Variants in PALM2AKAP2 observed in about 807,000 individuals in gnomAD.
PALM2AKAP2 encodes the protein PALM2 and AKAP2 fusion, also known as PALM2-AKAP2 fusion protein.
Under a neutral mutation model 71.5 loss-of-function variants are expected in PALM2AKAP2, and 37 were observed. The ratio of observed to expected loss-of-function variants is 0.52; its 90% CI spans 0.40 to 0.68. The LOEUF is 0.68. Among genes scored for constraint, PALM2AKAP2 ranks in the 30% least tolerant of loss-of-function variants. The pLI is 0.00. For synonymous variants in PALM2AKAP2, 468 were observed against 478.8 expected, an observed-to-expected ratio of 0.98 and a Z score of 0.29; for missense variants, 1,224 against 1,191.8, an observed-to-expected ratio of 1.03 and a Z score of -0.40.
At chr9:110,077,254 A>G (rs1588093736) in intron 1 of PALM2AKAP2, among the ~76,000 whole-genome samples, 1 of 152,274 alleles carries the variant, frequency 6.6e-6, no homozygotes, top group East Asian at 1.9e-4. Flanking sequence ...ATAGGGCGAT[A>G]CCCTATTAGA....
At chr9:109,668,854 A>G (rs1445141720) in intron 1 of PALM2AKAP2, among the ~76,000 whole-genome samples, 1 of 152,102 alleles carries the variant, frequency 6.6e-6, no homozygotes, top group Non-Finnish European at 1.5e-5. Context: ...GTGTCTTAAG[A>G]CCTGTCCCTA....
chr9:109,877,202 A>C (rs971865292), intron 2 of PALM2AKAP2, among the ~76,000 whole-genome samples: 2 of 152,090 alleles, frequency 1.3e-5, no homozygotes, highest in Non-Finnish European at 2.9e-5. Context: ...TGTGGTTTGG[A>C]CATCTTTAGC....
chr9:109,765,713 C>G (rs1012416327), intron 1 of PALM2AKAP2, among the ~76,000 whole-genome samples: 3 of 152,166 alleles, frequency 2.0e-5, no homozygotes, highest in Admixed American at 6.5e-5. Context: ...GAATTGTGCA[C>G]AGATCACTAG....
chr9:110,076,612 G>C (rs1019618095), intron 1 of PALM2AKAP2, among the ~76,000 whole-genome samples: 1 of 150,798 alleles, frequency 6.6e-6, no homozygotes. Flanking sequence ...AAACACAGGA[G>C]TATAAAATAA....
At chr9:110,006,369 TC>T (rs1159778030) in intron 6 of PALM2AKAP2, among the ~76,000 whole-genome samples, 1 of 148,516 alleles carries the variant, frequency 6.7e-6, no homozygotes, top group African/African-American at 2.5e-5. Context: ...TTTCTTTCTT[TC>T]TTCTCTCTTT....
chr9:109,841,443 C>A (rs1828671773), intron 1 of PALM2AKAP2, among the ~76,000 whole-genome samples: 2 of 133,562 alleles, frequency 1.5e-5, no homozygotes, highest in Admixed American at 8.2e-5. Context: ...TGCAGCACAC[C>A]AACATGGCAC....
At chr9:110,140,461 C>T (rs1388538922) in intron 2 of PALM2AKAP2, among the ~76,000 whole-genome samples, 2 of 152,124 alleles carry the variant, frequency 1.3e-5, no homozygotes, top group Admixed American at 1.3e-4. Context: ...GCTAGCTGTG[C>T]TCATTGTTAT....
intron 1 of PALM2AKAP2, among the ~76,000 whole-genome samples, chr9:109,723,006 G>A (rs1002963207): frequency 2.0e-5 from 3 of 152,020 alleles, no homozygotes; most frequent in African/African-American, 7.3e-5. Flanking sequence ...TACCCAACTC[G>A]CGTTTTCTGG....
At chr9:109,649,544 A>C (rs898072676) in intron 1 of PALM2AKAP2, among the ~76,000 whole-genome samples, 1 of 152,166 alleles carries the variant, frequency 6.6e-6, no homozygotes, top group African/African-American at 2.4e-5. Context: ...ATGTATGGAG[A>C]GTAGTTTATC....
intron 3 of PALM2AKAP2, among the ~76,000 whole-genome samples, chr9:110,161,398 A>AT (rs1305999669): frequency 2.6e-5 from 4 of 152,072 alleles, no homozygotes; most frequent in Admixed American, 6.6e-5. Flanking sequence ...TAGTCAGGCC[A>AT]TTTTTTTCTG....
intron 4 of PALM2AKAP2, among the ~76,000 whole-genome samples, chr9:109,924,472 C>T (rs748102630): frequency 2.0e-5 from 3 of 151,996 alleles, no homozygotes; most frequent in Non-Finnish European, 2.9e-5. Context: ...CGGTGGCAGG[C>T]GCCTGTAATC....
rs544913531 is a variant in PALM2AKAP2 at position 109,871,076 on chromosome 9, A to C, written c.126+3505A>C. 2.0e-5 allele frequency among the ~76,000 whole-genome samples: 3 copies of C among 152,326 alleles called. No individual in the cohort carries two copies. The East Asian group carries it at 5.8e-4, about 29-fold the overall frequency. ...AGATAGCCTGTGGACACTTATTCTC[A>C]TGCAATGAGATGAATTATTTAGACA... is the stretch of plus-strand genomic sequence containing the variant. On this transcript the variant is annotated intron_variant, in intron 2 of 9. Coordinates refer to the PALM2AKAP2 transcript ENST00000302798.
intron 7 of PALM2AKAP2, among the ~76,000 whole-genome samples, chr9:110,033,888 G>A (rs1364566318): frequency 6.6e-6 from 1 of 152,146 alleles, no homozygotes; most frequent in Non-Finnish European, 1.5e-5. Flanking sequence ...GTATTCTGTG[G>A]CCTTTATAAG....
intron 1 of PALM2AKAP2, among the ~76,000 whole-genome samples, chr9:109,850,405 G>T (rs1828977950): frequency 1.3e-5 from 2 of 152,042 alleles, no homozygotes; most frequent in South Asian, 4.2e-4. Flanking sequence ...ACCTGTCTTG[G>T]TGGTGTTTTC....
chr9:110,099,046 A>T (rs1834928896), intron 1 of PALM2AKAP2, among the ~76,000 whole-genome samples: 1 of 152,236 alleles, frequency 6.6e-6, no homozygotes, highest in Non-Finnish European at 1.5e-5. Flanking sequence ...TTATTGCAAG[A>T]CAGGGACAGT....
chr9:110,136,950 C>A, exon 2 of PALM2AKAP2: 1 of 1,614,126 alleles, frequency 6.2e-7, no homozygotes, highest in Non-Finnish European at 8.5e-7. Context: ...CCTGGCATTG[C>A]AGCAAAATGG....
chr9:109,920,797 A>G (rs991224551), intron 3 of PALM2AKAP2, among the ~76,000 whole-genome samples: 13 of 151,174 alleles, frequency 8.6e-5, no homozygotes, highest in Admixed American at 7.2e-4. Flanking sequence ...TCACACCTCA[A>G]ATAAATAAAT....
At chr9:109,970,558 C>G (rs978373230) in intron 6 of PALM2AKAP2, among the ~76,000 whole-genome samples, 1 of 152,228 alleles carries the variant, frequency 6.6e-6, no homozygotes, top group Non-Finnish European at 1.5e-5. Context: ...CCTCCTCTTA[C>G]AACTACTTAC....
intron 3 of PALM2AKAP2, among the ~76,000 whole-genome samples, chr9:110,167,439 A>C (rs1836764104): frequency 6.6e-6 from 1 of 151,444 alleles, no homozygotes; most frequent in Admixed American, 6.6e-5. Context: ...ACCATTTTTC[A>C]TATGTTGGCA....
Sources: gnomAD v4.1 joint callset for allele counts (sites outside exome capture counted in the v4.1 genomes callset) on GRCh38, gnomAD v4.1.1 for gene constraint, MANE v1.5 for transcripts, NCBI Gene and HGNC (gene_info 2026-07-23, HGNC 2026-07-21) for gene names.